Variants in UBE2S observed in about 807,000 individuals in gnomAD.
UBE2S encodes ubiquitin conjugating enzyme E2 S.
In UBE2S, 3 loss-of-function variants were observed where a neutral mutation model predicts 12.3. That is an observed-to-expected ratio of 0.24 (90% CI 0.11 to 0.63). UBE2S has a LOEUF of 0.63. Ranked by LOEUF, UBE2S falls within the 30% of genes least tolerant of loss-of-function variation. UBE2S has a pLI of 0.85. For synonymous variants in UBE2S, 133 were observed against 142.0 expected (o/e 0.94, Z 0.45); for missense variants, 211 against 313.9 (o/e 0.67, Z 2.48).
At chr19:55,402,678 CTCT>C (rs996408740) in intron 3 of UBE2S, among the ~76,000 whole-genome samples, 7 of 152,220 alleles carry the variant, frequency 4.6e-5, no homozygotes, top group Non-Finnish European at 8.8e-5. Flanking sequence ...GGTCTGGCTG[CTCT>C]TCTTGCTGGC....
chr19:55,407,437 G>T, intron 1 of UBE2S, 150 bp downstream of exon 1: 1 of 845,656 alleles, frequency 1.2e-6, no homozygotes, highest in Non-Finnish European at 1.7e-6. Flanking sequence ...TGCTCCGCCT[G>T]CGGGAAGGCC....
At position 55,399,885 on chromosome 19, in the gene UBE2S, A is replaced by G. The variant is rs1489737752; in HGVS notation, c.*1551T>C. 1.3e-5 allele frequency: 2 copies of G among 152,226 alleles called. No individual in the cohort carries two copies. The highest frequency in any genetic ancestry group is 2.9e-5 in the Non-Finnish European group (2 of 68,050). The allele number at this position is 152,226 out of a possible 1,614,324, so 9.4% of individuals were successfully genotyped here. On this transcript the variant is annotated 3_prime_UTR_variant, in exon 4 of 4. Coordinates refer to ENST00000264552, the MANE Select transcript of UBE2S (RefSeq NM_014501.3). The stretch of plus-strand genomic sequence containing the variant: ...TGGTTGACGATAAACGCAGAGCTTA[A>G]GATTTCTTGGATGGCCAGTGATGTG...
rs1418036638 is a variant in UBE2S, at chr19:55,404,564, A to G, written c.152-86T>C. ...CCCAAAGTCCAGTCTCCACGGTCTG[A>G]TTGTGATGCAGGTGGGTGCCCCGCC... On this transcript the variant is annotated intron_variant, in intron 2 of 3. Coordinates refer to ENST00000264552, the MANE Select transcript of UBE2S (RefSeq NM_014501.3). The surrounding 1 kb of genome is among the most constrained non-coding windows in gnomAD (Gnocchi z 4.4). 7.8e-7 allele frequency: 1 copy of G among 1,276,418 alleles called. No individual in the cohort carries two copies. Among genetic ancestry groups the G allele is most frequent in the Non-Finnish European group, 1.1e-6 (1 of 934,190 alleles). 79.1% of individuals were successfully genotyped at this position (1,276,418 alleles called of 1,614,324 possible). A position where few individuals can be genotyped will look rare whatever the true frequency, so the allele number is the denominator to read the frequency against.
In UBE2S at chr19:55,401,386, G is replaced by A. The variant is rs1376806879; in HGVS notation, c.*50C>T. On this transcript the variant is annotated 3_prime_UTR_variant, in exon 4 of 4. Transcript: ENST00000264552. ...AAATAACTTAGAGACAGAGTTGGAG[G>A]GAGGGGACAGGAGAGGTTGGGGTCA... 1.1e-5 allele frequency: 14 copies of A among 1,235,070 alleles called. No individual in the cohort carries two copies. Among genetic ancestry groups the A allele is most frequent in the Non-Finnish European group, 1.5e-5 (13 of 878,448 alleles). 76.5% of individuals were successfully genotyped at this position (1,235,070 alleles called of 1,614,324 possible).
intron 2 of UBE2S, among the ~76,000 whole-genome samples, chr19:55,405,353 C>CA (rs1425313185): frequency 6.6e-6 from 1 of 151,284 alleles, no homozygotes; most frequent in Admixed American, 6.6e-5. Context: ...ACTAAAAATA[C>CA]AAAAAATTAG....
Position 55,406,975 on chromosome 19 carries a change from G to A in UBE2S, c.4-13C>T. On this transcript the variant is annotated splice_polypyrimidine_tract_variant and intron_variant, in intron 1 of 3. Transcript: ENST00000264552. ...CCACGTTGGAGTTCTGGGCACGGAT[G>A]GGAGAGCAGGGTGAGCGAGTGTTAA... is the stretch of plus-strand genomic sequence containing the variant. 3.1e-6 allele frequency: 5 copies of A among 1,612,452 alleles called. No homozygotes were observed. The highest frequency in any genetic ancestry group is 4.2e-6 in the Non-Finnish European group (5 of 1,179,034).
At position 55,404,613 on chromosome 19, in the gene UBE2S, T is replaced by G; in HGVS notation, c.152-135A>C. 2.6e-6 allele frequency: 2 copies of G among 754,762 alleles called. No homozygotes were observed. Among genetic ancestry groups the G allele is most frequent in the Non-Finnish European group, 2.1e-6 (1 of 471,132 alleles). 46.8% of individuals were successfully genotyped at this position (754,762 alleles called of 1,614,324 possible). A position where few individuals can be genotyped will look rare whatever the true frequency, so the allele number is the denominator to read the frequency against. ...CCAACTCTGCCAACAGACTGGAGGA[T>G]TCTTTTTTTCTTTTTTTGAAATAAG... is the stretch of plus-strand genomic sequence containing the variant. On this transcript the variant is annotated intron_variant, in intron 2 of 3. Coordinates refer to ENST00000264552, the MANE Select transcript of UBE2S (RefSeq NM_014501.3). The surrounding 1 kb of genome is among the most constrained non-coding windows in gnomAD (Gnocchi z 4.4).
chr19:55,404,252 A>G lies in UBE2S; in HGVS notation c.342+36T>C. 1 of 1,608,480 alleles carries G rather than the reference A, an allele frequency of 6.2e-7. No individual in the cohort carries two copies. The highest frequency in any genetic ancestry group is 2.1e-4 in the Middle Eastern group (1 of 4,678). On this transcript the variant is annotated intron_variant, in intron 3 of 3. Coordinates refer to ENST00000264552, the MANE Select transcript of UBE2S (RefSeq NM_014501.3). The surrounding 1 kb of genome is among the most constrained non-coding windows in gnomAD (Gnocchi z 4.4). ...CAGACACCAGCAGACCTCCAGAGGC[A>G]GGAGGCAGGAGGCCCAGCCCCAGCC... is the stretch of plus-strand genomic sequence containing the variant.
In UBE2S at chr19:55,404,527, G is replaced by A; in HGVS notation, c.152-49C>T. The A allele has an allele frequency of 6.6e-7, 1 of 1,509,716 alleles. No homozygotes were observed. The highest frequency in any genetic ancestry group is 1.3e-5 in the South Asian group (1 of 77,030). The allele number at this position is 1,509,716 out of a possible 1,614,324, so 93.5% of individuals were successfully genotyped here. The stretch of plus-strand genomic sequence containing the variant: ...GGTCAGGGCACTCAGGAGTCCCAAG[G>A]CACCTCAACACCCCAAAGTCCAGTC... On this transcript the variant is annotated intron_variant, in intron 2 of 3. Transcript: ENST00000264552. The surrounding 1 kb of genome is among the most constrained non-coding windows in gnomAD (Gnocchi z 4.4).
At chr19:55,403,661 TGGGA>T (rs938049098) in intron 3 of UBE2S, among the ~76,000 whole-genome samples, 1 of 151,224 alleles carries the variant, frequency 6.6e-6, no homozygotes, top group Non-Finnish European at 1.5e-5. Flanking sequence ...GAGGCCGAGG[TGGGA>T]GGATCACTTG....
At chr19:55,403,294 A>C in intron 3 of UBE2S, 1 of 576,354 alleles carries the variant, frequency 1.7e-6, no homozygotes. Context: ...TTAGCAAAAA[A>C]GCCTCTAATG....
rs535241927 is a variant in UBE2S, at chr19:55,405,481, C to T, written c.152-1003G>A. On this transcript the variant is annotated intron_variant, in intron 2 of 3. Transcript: ENST00000264552. ...CAGAGATTGTGCTATTGCACTCCAG[C>T]CTAGGCGACAGAGCAAGACTCCGTT... 3.3e-5 allele frequency among the ~76,000 whole-genome samples: 5 copies of T among 152,178 alleles called. No individual in the cohort carries two copies. In the East Asian group the frequency reaches 9.7e-4, roughly 29 times the overall value.
At chr19:55,403,105 G>GC in intron 3 of UBE2S, 7 of 931,166 alleles carry the variant, frequency 7.5e-6, no homozygotes, top group Non-Finnish European at 1.2e-5. Context: ...CCACCCACTA[G>GC]ATGCTAGTGG....
Position 55,399,777 on chromosome 19 carries a change from G to A in UBE2S, c.*1659C>T, listed in dbSNP as rs116185341. On this transcript the variant is annotated 3_prime_UTR_variant, in exon 4 of 4. Coordinates refer to ENST00000264552, the MANE Select transcript of UBE2S (RefSeq NM_014501.3). ...AAATATTATTTTTATTATGCACTTC[G>A]CTAAATTATTTCAGTGGGTTCCGAG... is the stretch of plus-strand genomic sequence containing the variant. 257 of 152,270 alleles carry A rather than the reference G, an allele frequency of 1.7e-3. 1 individual carries two copies. The highest frequency in any genetic ancestry group is 5.9e-3 in the African/African-American group (245 of 41,548). 9.4% of individuals were successfully genotyped at this position (152,270 alleles called of 1,614,324 possible).
chr19:55,402,295 C>T (rs2090065707), intron 3 of UBE2S, among the ~76,000 whole-genome samples: 1 of 152,236 alleles, frequency 6.6e-6, no homozygotes, highest in South Asian at 2.1e-4. Context: ...ATCCTGACCT[C>T]TGTCTTTTAT....
intron 3 of UBE2S, chr19:55,402,998 G>A: frequency 6.5e-7 from 1 of 1,534,192 alleles, no homozygotes; most frequent in South Asian, 1.2e-5. Context: ...CACCAGCCTA[G>A]ACCAGGACGC....
chr19:55,404,123 G>T lies in UBE2S; in HGVS notation c.342+165C>A. ...AACAGTACTTGGGTGTCCTGGGTCT[G>T]GCACTGTTTGTCTTTCCAGGAAAGC... On this transcript the variant is annotated intron_variant, in intron 3 of 3. Transcript: ENST00000264552. The surrounding 1 kb of genome is among the most constrained non-coding windows in gnomAD (Gnocchi z 4.4). 2 of 876,074 alleles carry T rather than the reference G, an allele frequency of 2.3e-6. No individual in the cohort carries two copies. Among genetic ancestry groups the T allele is most frequent in the Non-Finnish European group, 3.5e-6 (2 of 572,812 alleles). 54.3% of individuals were successfully genotyped at this position (876,074 alleles called of 1,614,324 possible).
rs1244675864 is a variant in UBE2S, at chr19:55,404,492, A to G, written c.152-14T>C. The G allele has an allele frequency of 3.1e-6, 5 of 1,591,964 alleles. No individual in the cohort carries two copies. The highest frequency in any genetic ancestry group is 4.3e-6 in the Non-Finnish European group (5 of 1,168,216). ...ATGGGGTCCCCTCTGGAGTGGAGGG[A>G]GGGGTACAGGGTCAGGGCACTCAGG... On this transcript the variant is annotated splice_polypyrimidine_tract_variant and intron_variant, in intron 2 of 3. Transcript: ENST00000264552. This position sits in a 1 kb window ranked among gnomAD's most constrained non-coding sequence, Gnocchi z 4.4.
chr19:55,407,073 A>G, intron 1 of UBE2S, 111 bp from the exon 2 acceptor site: 1 of 1,364,046 alleles, frequency 7.3e-7, no homozygotes, highest in Non-Finnish European at 1.0e-6. Flanking sequence ...CAGGCTGTCA[A>G]TCACCCTTGA....
Sources: allele counts gnomAD v4.1 joint callset (sites outside exome capture counted in the v4.1 genomes callset), GRCh38; gene constraint gnomAD v4.1.1; non-coding constraint Gnocchi (gnomAD v3.1); transcripts MANE v1.5; gene names NCBI Gene and HGNC (gene_info 2026-07-23, HGNC 2026-07-21).